Variants in CD2AP observed in about 807,000 individuals in gnomAD.
CD2AP encodes CD2 associated protein.
CD2AP carries 46 observed loss-of-function variants against 85.1 expected under a neutral mutation model. That is an observed-to-expected ratio of 0.54 (90% CI 0.43 to 0.69). The LOEUF (loss-of-function observed/expected upper bound fraction) is 0.69, where lower values mean the gene tolerates loss of function less well. Ranked by LOEUF, CD2AP falls within the 30% of genes least tolerant of loss-of-function variation. The probability of loss-of-function intolerance (pLI) is 0.00; values close to 1 mark genes in which losing one functional copy is unlikely to be tolerated. For synonymous variants in CD2AP, 255 were observed against 252.9 expected (o/e 1.01, Z -0.08); for missense variants, 769 against 729.5 (o/e 1.05, Z -0.62).
At chr6:47,484,512 C>A (rs1448261107) in intron 1 of CD2AP, among the ~76,000 whole-genome samples, 1 of 152,110 alleles carries the variant, frequency 6.6e-6, no homozygotes, top group Non-Finnish European at 1.5e-5. Context: ...CTAGAATAAA[C>A]AATGCTTTTA....
intron 1 of CD2AP, among the ~76,000 whole-genome samples, chr6:47,498,201 C>T (rs4715024): frequency 1.3e-5 from 2 of 152,268 alleles, no homozygotes; most frequent in Admixed American, 1.3e-4. Flanking sequence ...AATGTTATAT[C>T]CTATGCTTGC....
At chr6:47,546,304 G>A (rs1767363018) in intron 4 of CD2AP, among the ~76,000 whole-genome samples, 2 of 151,874 alleles carry the variant, frequency 1.3e-5, no homozygotes, top group African/African-American at 2.4e-5. Flanking sequence ...ATCCAACAAA[G>A]ACAAAGAATA....
rs369900668 is a variant in CD2AP at position 47,527,713 on chromosome 6, C to T, written c.166-5889C>T. On this transcript the variant is annotated intron_variant, in intron 2 of 17. Transcript: ENST00000359314. ...CTGTGCCAGGAAGCTGCTTGGAGTA[C>T]GTTGAGTGATACCTGCAGATTAGTT... 3.1e-4 allele frequency among the ~76,000 whole-genome samples: 47 copies of T among 152,208 alleles called. 1 individual carries two copies. In the East Asian group the frequency reaches 6.6e-3, roughly 21 times the overall value.
At chr6:47,569,823 G>A (rs1768102023) in intron 5 of CD2AP, among the ~76,000 whole-genome samples, 1 of 151,982 alleles carries the variant, frequency 6.6e-6, no homozygotes, top group Admixed American at 6.6e-5. Flanking sequence ...GTTTACCTTG[G>A]GGTCTGTAAT....
At chr6:47,586,866 G>A (rs1050566351) in intron 11 of CD2AP, among the ~76,000 whole-genome samples, 1 of 152,156 alleles carries the variant, frequency 6.6e-6, no homozygotes, top group Non-Finnish European at 1.5e-5. Flanking sequence ...TGGTTTTGGA[G>A]TTTTAGGGTA....
In CD2AP at chr6:47,604,292, T is replaced by A. The variant is rs750545814; in HGVS notation, c.1418-1873T>A. On this transcript the variant is annotated intron_variant, in intron 13 of 17. Transcript: ENST00000359314. ...TGTCATGAGTCCAAAATGTGCACTG[T>A]TCCATTTTACTAACCTAATGGCTTA... is the stretch of plus-strand genomic sequence containing the variant. Among the ~76,000 whole-genome samples, 6 of 152,196 alleles carry A rather than the reference T, an allele frequency of 3.9e-5. No homozygotes were observed. In the East Asian group the frequency reaches 9.7e-4, roughly 25 times the overall value.
chr6:47,582,137 C>T lies in CD2AP; in HGVS notation c.1108+72C>T, dbSNP rs1768497659. 4 of 965,876 alleles carry T rather than the reference C, an allele frequency of 4.1e-6. No individual in the cohort carries two copies. The South Asian group carries it at 5.2e-5, about 13-fold the overall frequency. The allele number at this position is 965,876 out of a possible 1,614,324, so 59.8% of individuals were successfully genotyped here. A position where few individuals can be genotyped will look rare whatever the true frequency, so the allele number is the denominator to read the frequency against. ...GTCATTTTAAAGAGAATTATTTCTCCACACTGAGTTATTTACACTGATTTT... is the reference window on the plus strand; with the variant it reads ...GTCATTTTAAAGAGAATTATTTCTCTACACTGAGTTATTTACACTGATTTT... On this transcript the variant is annotated intron_variant, in intron 11 of 17. Transcript: ENST00000359314.
intron 5 of CD2AP, among the ~76,000 whole-genome samples, chr6:47,558,445 T>C (rs965452109): frequency 6.6e-6 from 1 of 152,246 alleles, no homozygotes; most frequent in Non-Finnish European, 1.5e-5. Context: ...TTCAGTATGA[T>C]AATGGCTATG....
At chr6:47,478,856 T>C (rs1356134326) in intron 1 of CD2AP, among the ~76,000 whole-genome samples, 2 of 152,090 alleles carry the variant, frequency 1.3e-5, no homozygotes, top group East Asian at 1.9e-4. Context: ...GAGGACTGGG[T>C]TTGGACTTCA....
At chr6:47,514,458 A>G (rs9369708) in intron 2 of CD2AP, among the ~76,000 whole-genome samples, 93,100 of 152,096 alleles carry the variant, frequency 0.61, 29,236 homozygotes, top group Middle Eastern at 0.74. Flanking sequence ...ATTTGTGGGT[A>G]TAACTTTGAT....
At chr6:47,588,089 T>A (rs1253278204) in intron 11 of CD2AP, among the ~76,000 whole-genome samples, 2 of 152,184 alleles carry the variant, frequency 1.3e-5, no homozygotes, top group African/African-American at 4.8e-5. Context: ...CATACTTTTT[T>A]AGGGGACATC....
chr6:47,617,827 T>A (rs775282919), intron 17 of CD2AP, among the ~76,000 whole-genome samples: 3 of 152,196 alleles, frequency 2.0e-5, no homozygotes, highest in Non-Finnish European at 4.4e-5. Flanking sequence ...GTTTTTATAA[T>A]TTGGTCCTAG....
At chr6:47,576,412 C>A in intron 6 of CD2AP, 112 bp from the exon 7 acceptor site, 1 of 776,528 alleles carries the variant, frequency 1.3e-6, no homozygotes, top group Non-Finnish European at 2.3e-6. Flanking sequence ...CATTACTATC[C>A]TAGCTATAAG....
chr6:47,554,196 C>A (rs1391918018), intron 4 of CD2AP, among the ~76,000 whole-genome samples: 1 of 152,068 alleles, frequency 6.6e-6, no homozygotes, highest in Non-Finnish European at 1.5e-5. Flanking sequence ...CAGACCTGAG[C>A]CACCGTGCCT....
At position 47,503,417 on chromosome 6, in the gene CD2AP, A is replaced by G. The variant is rs770594307; in HGVS notation, c.142A>G (p.Met48Val). The G allele has an allele frequency of 1.9e-6, 3 of 1,613,878 alleles. No individual in the cohort carries two copies. Among genetic ancestry groups the G allele is most frequent in the Admixed American group, 1.7e-5 (1 of 60,028 alleles). Residue 48 changes from methionine to valine, a missense_variant, in exon 2 of 18, where the codon ATG becomes GTG. Met to Val is a conservative substitution (Grantham distance 21). Transcript: ENST00000359314. ...LEGELNGRRG[M>V]FPDNFVKEIK... ...AGGAGAACTAAATGGGAGAAGAGGA[A>G]TGTTCCCTGACAATTTCGTTAAGGT...
At chr6:47,529,709 T>C (rs1193719063) in intron 2 of CD2AP, among the ~76,000 whole-genome samples, 1 of 152,246 alleles carries the variant, frequency 6.6e-6, no homozygotes, top group African/African-American at 2.4e-5. Context: ...AACTCTTGTT[T>C]ATGTCAACTA....
chr6:47,492,931 A>G (rs1340302999), intron 1 of CD2AP, among the ~76,000 whole-genome samples: 1 of 152,170 alleles, frequency 6.6e-6, no homozygotes, highest in Admixed American at 6.5e-5. Flanking sequence ...AGTTTGCAGT[A>G]TACATTTATA....
chr6:47,522,096 C>A (rs1196600001), intron 2 of CD2AP, among the ~76,000 whole-genome samples: 3 of 151,916 alleles, frequency 2.0e-5, no homozygotes, highest in Non-Finnish European at 4.4e-5. Flanking sequence ...GGACTCTGTT[C>A]ACTGATGAGT....
chr6:47,530,005 T>G (rs1468743212), intron 2 of CD2AP, among the ~76,000 whole-genome samples: 1 of 152,220 alleles, frequency 6.6e-6, no homozygotes, highest in African/African-American at 2.4e-5. Flanking sequence ...GCTTTCCTGT[T>G]AAGACACTCT....
Sources: gnomAD v4.1 joint callset for allele counts (sites outside exome capture counted in the v4.1 genomes callset) on GRCh38, gnomAD v4.1.1 for gene constraint, MANE v1.5 for transcripts, NCBI Gene and HGNC (gene_info 2026-07-23, HGNC 2026-07-21) for gene names.